Variants in CENPO observed in about 807,000 individuals in gnomAD.
CENPO encodes centromere protein O, also known as centromeric protein O.
In CENPO, 30 loss-of-function variants were observed where a neutral mutation model predicts 36.1. The ratio of observed to expected loss-of-function variants is 0.83; its 90% CI spans 0.62 to 1.13. The LOEUF is 1.13. Among genes scored for constraint, CENPO ranks in the 50% most tolerant of loss-of-function variants. The pLI is 0.00. For synonymous variants in CENPO, 171 were observed against 142.3 expected (o/e 1.20, Z -1.44); for missense variants, 349 against 357.8 (o/e 0.98, Z 0.20).
Position 24,819,681 on chromosome 2 carries a change from T to C in CENPO, c.*363T>C, listed in dbSNP as rs775412483. The C allele has an allele frequency of 2.2e-5, 9 of 403,834 alleles. No individual in the cohort carries two copies. The highest frequency in any genetic ancestry group is 4.2e-5 in the Admixed American group (1 of 23,774). 25.0% of individuals were successfully genotyped at this position (403,834 alleles called of 1,614,324 possible). A position where few individuals can be genotyped will look rare whatever the true frequency, so the allele number is the denominator to read the frequency against. ...CCCTCAGGGGCAAGGACGGCAGGGA[T>C]TGGAACGAGGGCTCTGGAAGGACTG... On this transcript the variant is annotated 3_prime_UTR_variant, in exon 8 of 8. Coordinates refer to ENST00000380834, the MANE Select transcript of CENPO (RefSeq NM_001322101.2).
chr2:24,815,951 CTGGGT>C lies in CENPO; in HGVS notation c.594+196_594+200del, dbSNP rs1666921401. On this transcript the variant is annotated intron_variant, in intron 5 of 7. Coordinates refer to ENST00000380834, the MANE Select transcript of CENPO (RefSeq NM_001322101.2). The stretch of plus-strand genomic sequence containing the variant: ...TTGAAACTCTGGATGGCGTTGAAGC[CTGGGT>C]ACTGGTTAAAGGATTATGCACCCCT... The C allele has an allele frequency of 1.0e-5, 6 of 594,360 alleles. No individual in the cohort carries two copies. In the East Asian group the frequency reaches 1.4e-4, roughly 14 times the overall value. The allele number at this position is 594,360 out of a possible 1,614,324, so 36.8% of individuals were successfully genotyped here. A position where few individuals can be genotyped will look rare whatever the true frequency, so the allele number is the denominator to read the frequency against.
intron 6 of CENPO, 149 bp from the exon 7 acceptor site, chr2:24,817,521 C>T (rs1272447624): frequency 2.7e-6 from 3 of 1,109,800 alleles, no homozygotes; most frequent in South Asian, 1.5e-5. Context: ...ATCCAGGTTC[C>T]GATTCCCCCA....
chr2:24,808,073 C>G (rs2148273952), intron 3 of CENPO, among the ~76,000 whole-genome samples: 1 of 152,250 alleles, frequency 6.6e-6, no homozygotes, highest in African/African-American at 2.4e-5. Flanking sequence ...TTTTCACTCT[C>G]TAATGGTGTC....
In CENPO at chr2:24,816,765, G is replaced by A; in HGVS notation, c.714G>A (p.Leu238=). 1 of 1,610,804 alleles carries A rather than the reference G, an allele frequency of 6.2e-7. No individual in the cohort carries two copies. Among genetic ancestry groups the A allele is most frequent in the Non-Finnish European group, 8.5e-7 (1 of 1,178,706 alleles). Residue 238 remains leucine, a synonymous_variant, in exon 6 of 8, where the codon CTG becomes CTA. Transcript: ENST00000380834. ...CCTTCCCGTTCTGTGCTAGATTGCT[G>A]TATAAGGACCTCACAGCAACTCTTC... ...GQSFPFCARL[L]YKDLTATLPT...
intron 4 of CENPO, 95 bp downstream of exon 4, chr2:24,814,588 T>C: frequency 1.4e-6 from 1 of 726,984 alleles, no homozygotes; most frequent in South Asian, 1.5e-5. Context: ...ATTTCATAAT[T>C]TATAGTATTT....
chr2:24,820,024 G>C lies in CENPO; in HGVS notation c.*706G>C. 1 of 1,611,666 alleles carries C rather than the reference G, an allele frequency of 6.2e-7. No homozygotes were observed. Among genetic ancestry groups the C allele is most frequent in the Non-Finnish European group, 8.5e-7 (1 of 1,178,902 alleles). Reference sequence around the variant, plus strand: ...TCCCGCCCCTTCAAGAAGAAGGTCAGCAGCTCCCCCTTCCCCTTCACAAAG... The same window carrying C: ...TCCCGCCCCTTCAAGAAGAAGGTCACCAGCTCCCCCTTCCCCTTCACAAAG... On this transcript the variant is annotated 3_prime_UTR_variant, in exon 8 of 8. Transcript: ENST00000380834.
chr2:24,793,577 CCTT>C (rs1014476888), intron 1 of CENPO, 76 bp downstream of exon 1: 1 of 1,482,546 alleles, frequency 6.7e-7, no homozygotes. Context: ...GGCTGAACGG[CCTT>C]CTTAAAACTC....
chr2:24,820,875 C>T lies in CENPO; in HGVS notation c.*1557C>T, dbSNP rs1667537846. On this transcript the variant is annotated 3_prime_UTR_variant, in exon 8 of 8. Coordinates refer to ENST00000380834, the MANE Select transcript of CENPO (RefSeq NM_001322101.2). ...TAGGGTAGAGGCATAAAGTTCAGCA[C>T]AGCCACAGGCCACACCTTGTTATGG... 1 of 1,611,616 alleles carries T rather than the reference C, an allele frequency of 6.2e-7. No individual in the cohort carries two copies. Among genetic ancestry groups the T allele is most frequent in the Non-Finnish European group, 8.5e-7 (1 of 1,178,564 alleles).
At chr2:24,818,936 T>G (rs1331945798) in intron 7 of CENPO, among the ~76,000 whole-genome samples, 2 of 152,248 alleles carry the variant, frequency 1.3e-5, no homozygotes, top group Non-Finnish European at 2.9e-5. Context: ...AACCTCCGTG[T>G]GGGAGAGCTC....
intron 3 of CENPO, among the ~76,000 whole-genome samples, chr2:24,805,824 C>G (rs528514822): frequency 6.6e-6 from 1 of 152,340 alleles, no homozygotes; most frequent in East Asian, 1.9e-4. Context: ...CAGCTGCGTG[C>G]TGGGAGAACC....
Position 24,815,623 on chromosome 2 carries a change from C to T in CENPO, c.461C>T (p.Ser154Leu). 1 of 1,614,196 alleles carries T rather than the reference C, an allele frequency of 6.2e-7. No homozygotes were observed. The highest frequency in any genetic ancestry group is 8.5e-7 in the Non-Finnish European group (1 of 1,180,028). The change falls in exon 5 of 8, where the codon TCA becomes TTA. Residue 154 changes from serine to leucine, a missense_variant. Ser to Leu is a moderately radical substitution (Grantham distance 145). Transcript: ENST00000380834. ...IQKPLRIHHH[S>L]VPVFIPLEEI... ...AAACCACTCCGGATACATCACCATT[C>T]AGTCCCAGTCTTCATTCCCCTGGAA...
chr2:24,802,501 C>T (rs988568436), intron 3 of CENPO, among the ~76,000 whole-genome samples: 1 of 152,166 alleles, frequency 6.6e-6, no homozygotes. Context: ...AGATACGTCC[C>T]ATCAATAACT....
intron 2 of CENPO, 89 bp from the exon 3 acceptor site, chr2:24,799,586 A>G: frequency 2.1e-6 from 2 of 958,684 alleles, no homozygotes; most frequent in Non-Finnish European, 3.0e-6. Flanking sequence ...AAAAAAAAAA[A>G]GAGTCACCTG....
At chr2:24,812,412 C>G (rs1213952306) in intron 3 of CENPO, among the ~76,000 whole-genome samples, 1 of 150,752 alleles carries the variant, frequency 6.6e-6, no homozygotes. Context: ...TTTTTTTATC[C>G]TGTTTGGTGC....
intron 3 of CENPO, among the ~76,000 whole-genome samples, chr2:24,807,643 T>C (rs971540381): frequency 6.6e-6 from 1 of 152,234 alleles, no homozygotes; most frequent in Non-Finnish European, 1.5e-5. Flanking sequence ...TATACACTTA[T>C]ATATTGGGTA....
In CENPO at chr2:24,819,521, G is replaced by A. The variant is rs1396503797; in HGVS notation, c.*203G>A. On this transcript the variant is annotated 3_prime_UTR_variant, in exon 8 of 8. Transcript: ENST00000380834. ...ATGGAGACCTCCCTTCAAAATGGGAGCCATGTCCTGCCCCACCAAGCCCTG... is the reference window on the plus strand; with the variant it reads ...ATGGAGACCTCCCTTCAAAATGGGAACCATGTCCTGCCCCACCAAGCCCTG... 6.3e-6 allele frequency: 1 copy of A among 157,900 alleles called. No homozygotes were observed. The highest frequency in any genetic ancestry group is 1.4e-5 in the Non-Finnish European group (1 of 71,554). 9.8% of individuals were successfully genotyped at this position (157,900 alleles called of 1,614,324 possible). A position where few individuals can be genotyped will look rare whatever the true frequency, so the allele number is the denominator to read the frequency against.
intron 3 of CENPO, among the ~76,000 whole-genome samples, chr2:24,809,362 T>C (rs745557789): frequency 5.0e-4 from 76 of 152,338 alleles, no homozygotes; most frequent in Non-Finnish European, 8.8e-4. Context: ...TCATTATTAT[T>C]TTCTTCCATT....
intron 3 of CENPO, among the ~76,000 whole-genome samples, chr2:24,809,282 T>G (rs10208038): frequency 0.43 from 65,620 of 152,006 alleles, 15,848 homozygotes; most frequent in East Asian, 0.59. Flanking sequence ...GTGCCTTTTT[T>G]CAAAGAACCA....
Position 24,817,811 on chromosome 2 carries a change from T to C in CENPO, c.*5T>C, listed in dbSNP as rs560841097. 1.9e-5 allele frequency: 31 copies of C among 1,613,994 alleles called. No individual in the cohort carries two copies. The highest frequency in any genetic ancestry group is 2.6e-5 in the Non-Finnish European group (31 of 1,180,028). ...GATATGAGTCTGGTCTCCTAATAGA[T>C]TGTTTTCACTGCACTGGGAGCACAT... is the stretch of plus-strand genomic sequence containing the variant. On this transcript the variant is annotated 3_prime_UTR_variant, in exon 7 of 8. Transcript: ENST00000380834.
Sources: allele counts gnomAD v4.1 joint callset (sites outside exome capture counted in the v4.1 genomes callset), GRCh38; gene constraint gnomAD v4.1.1; transcripts MANE v1.5; gene names NCBI Gene and HGNC (gene_info 2026-07-23, HGNC 2026-07-21).